The following SNTG2 variants were observed in gnomAD, a reference collection of about 807,000 sequenced individuals.
SNTG2 encodes syntrophin gamma 2.
SNTG2 carries 74 observed loss-of-function variants against 70.9 expected under a neutral mutation model. That is an observed-to-expected ratio of 1.04 (90% confidence interval 0.86 to 1.27). The LOEUF (loss-of-function observed/expected upper bound fraction) is 1.27, where lower values mean the gene tolerates loss of function less well. Among genes scored for constraint, SNTG2 ranks in the 50% most tolerant of loss-of-function variants. The probability of loss-of-function intolerance (pLI) is 0.00; values close to 1 mark genes in which losing one functional copy is unlikely to be tolerated. For missense variants in SNTG2, 717 were observed against 690.7 expected, an observed-to-expected ratio of 1.04 and a Z score of -0.43; for synonymous variants, 278 against 273.8, an observed-to-expected ratio of 1.02 and a Z score of -0.15.
At chr2:1,256,227 T>G (rs187048101) in intron 12 of SNTG2, among the ~76,000 whole-genome samples, 33 of 152,052 alleles carry the variant, frequency 2.2e-4, no homozygotes, top group Admixed American at 2.1e-3. Context: ...TATGCTCCAT[T>G]AGAACCTATG....
At chr2:979,859 T>G (rs1279906391) in intron 1 of SNTG2, among the ~76,000 whole-genome samples, 4 of 151,040 alleles carry the variant, frequency 2.6e-5, no homozygotes, top group Admixed American at 6.6e-5. Context: ...TGTAACAAAG[T>G]TATTGCCAAA....
At chr2:1,141,918 G>A (rs28788304) in intron 6 of SNTG2, among the ~76,000 whole-genome samples, 21,658 of 151,974 alleles carry the variant, frequency 0.14, 2,014 homozygotes, top group Non-Finnish European at 0.21. Flanking sequence ...AGGCACTGGG[G>A]CTCCAAGGAC....
chr2:1,235,962 C>T (rs901718579), intron 9 of SNTG2, among the ~76,000 whole-genome samples: 8 of 152,086 alleles, frequency 5.3e-5, no homozygotes, highest in African/African-American at 1.7e-4. Flanking sequence ...TGTGTGTGTC[C>T]TGTAGCTCAA....
intron 7 of SNTG2, among the ~76,000 whole-genome samples, chr2:1,171,566 G>A (rs959161137): frequency 6.6e-6 from 1 of 152,168 alleles, no homozygotes. Context: ...CCTGTGAAAC[G>A]CTCTGGGTGC....
rs191133707 is a variant in SNTG2, at chr2:1,232,821, C to T, written c.720-5067C>T. The stretch of plus-strand genomic sequence containing the variant: ...GATTTTTCAAATTCTGAAACATACA[C>T]GTTCTGTTTTTGTCTCGAGTACTCG... On this transcript the variant is annotated intron_variant, in intron 9 of 16. Coordinates refer to ENST00000308624, the MANE Select transcript of SNTG2 (RefSeq NM_018968.4). 8.5e-5 allele frequency among the ~76,000 whole-genome samples: 13 copies of T among 152,246 alleles called. No homozygotes were observed. The East Asian group carries it at 1.5e-3, about 18-fold the overall frequency.
At chr2:1,300,069 G>C (rs146716551) in intron 14 of SNTG2, among the ~76,000 whole-genome samples, 16 of 151,540 alleles carry the variant, frequency 1.1e-4, no homozygotes, top group African/African-American at 2.9e-4. Context: ...CGTGCAAGAA[G>C]GGTGCCTTAA....
At chr2:1,306,230 T>A (rs555323421) in intron 14 of SNTG2, among the ~76,000 whole-genome samples, 9 of 151,820 alleles carry the variant, frequency 5.9e-5, no homozygotes, top group African/African-American at 2.2e-4. Flanking sequence ...GTGTGTAGAG[T>A]ATTTGTGACC....
Position 1,097,192 on chromosome 2 carries a change from C to G in SNTG2, c.211-1004C>G, listed in dbSNP as rs1260221031. On this transcript the variant is annotated intron_variant, in intron 2 of 16. Transcript: ENST00000308624. The surrounding 1 kb of genome is among the most constrained non-coding windows in gnomAD (Gnocchi z 4.1). ...AGTATTTCCCCCTAAGAAGGACATT[C>G]CTGGGGTATCTCAGGCTGCGGAAGC... Among the ~76,000 whole-genome samples, 1 of 152,206 alleles carries G rather than the reference C, an allele frequency of 6.6e-6. No homozygotes were observed. Among genetic ancestry groups the G allele is most frequent in the African/African-American group, 2.4e-5 (1 of 41,452 alleles).
chr2:953,969 G>A (rs1454088523), intron 1 of SNTG2, among the ~76,000 whole-genome samples: 2 of 152,038 alleles, frequency 1.3e-5, no homozygotes, highest in African/African-American at 2.4e-5. Flanking sequence ...GGCTGGCATT[G>A]CAGTTCTCGG....
intron 9 of SNTG2, among the ~76,000 whole-genome samples, chr2:1,217,415 T>G (rs1674465471): frequency 6.6e-6 from 1 of 152,172 alleles, no homozygotes; most frequent in Non-Finnish European, 1.5e-5. Context: ...GAGAAAAGAT[T>G]GTTCACTAAG....
At chr2:1,029,342 C>T (rs1374564463) in intron 1 of SNTG2, among the ~76,000 whole-genome samples, 2 of 152,194 alleles carry the variant, frequency 1.3e-5, no homozygotes, top group East Asian at 1.9e-4. Context: ...TGCAGTGGTA[C>T]AAGAAATATA....
chr2:1,041,792 C>G (rs1160979542), intron 1 of SNTG2, among the ~76,000 whole-genome samples: 3 of 152,138 alleles, frequency 2.0e-5, no homozygotes, highest in African/African-American at 4.8e-5. Flanking sequence ...CATAAACTAC[C>G]CAGTCTCAGG....
At chr2:1,118,526 A>G (rs1481555716) in intron 4 of SNTG2, among the ~76,000 whole-genome samples, 5 of 152,260 alleles carry the variant, frequency 3.3e-5, no homozygotes, top group African/African-American at 9.6e-5. Flanking sequence ...TACAAAAGGC[A>G]CTACTTAAAA....
At chr2:1,223,290 T>C (rs943374931) in intron 9 of SNTG2, among the ~76,000 whole-genome samples, 3 of 149,864 alleles carry the variant, frequency 2.0e-5, no homozygotes, top group East Asian at 2.1e-4. Context: ...CTCCCTGTCC[T>C]GCCTGCTGCT....
At chr2:1,152,490 G>A (rs61637766) in intron 6 of SNTG2, among the ~76,000 whole-genome samples, 28 of 152,152 alleles carry the variant, frequency 1.8e-4, no homozygotes, top group Admixed American at 6.5e-4. Flanking sequence ...CATGTGCATG[G>A]ATGCGTATAT....
intron 1 of SNTG2, among the ~76,000 whole-genome samples, chr2:1,011,103 T>A (rs1659717716): frequency 6.6e-6 from 1 of 152,212 alleles, no homozygotes; most frequent in Non-Finnish European, 1.5e-5. Flanking sequence ...GAAGACAGAT[T>A]TAGTTATAAA....
intron 2 of SNTG2, among the ~76,000 whole-genome samples, chr2:1,087,875 A>G (rs1006944848): frequency 6.6e-6 from 1 of 152,212 alleles, no homozygotes; most frequent in African/African-American, 2.4e-5. Context: ...AGATTGTTGA[A>G]TGGATCATCA....
chr2:1,284,529 AAG>A (rs1461393310), intron 14 of SNTG2, among the ~76,000 whole-genome samples: 3 of 152,154 alleles, frequency 2.0e-5, no homozygotes, highest in Non-Finnish European at 4.4e-5. Flanking sequence ...ACCACCCAAA[AAG>A]AGAATATATT....
chr2:1,185,390 A>G (rs904614985), intron 8 of SNTG2, among the ~76,000 whole-genome samples: 8 of 152,300 alleles, frequency 5.3e-5, no homozygotes, highest in Non-Finnish European at 7.4e-5. Flanking sequence ...GCATCCCAGT[A>G]GAGACTCTGT....
Sources: allele counts gnomAD v4.1 joint callset (sites outside exome capture counted in the v4.1 genomes callset), GRCh38; gene constraint gnomAD v4.1.1; non-coding constraint Gnocchi (gnomAD v3.1); transcripts MANE v1.5; gene names NCBI Gene and HGNC (gene_info 2026-07-23, HGNC 2026-07-21).